FER: variants seen among roughly 807,000 people sequenced by gnomAD.
The protein encoded by FER is tyrosine-protein kinase Fer.
FER carries 63 observed loss-of-function variants against 111.0 expected under a neutral mutation model. The observed-to-expected ratio is 0.57, with a 90% CI of 0.46 to 0.70. The LOEUF (loss-of-function observed/expected upper bound fraction) is 0.70, where lower values mean the gene tolerates loss of function less well. FER is among the 30% of genes least tolerant of loss of function. The pLI, the probability that FER is intolerant of heterozygous loss-of-function variation, is 0.00. For missense variants in FER, 914 were observed against 954.0 expected (o/e 0.96, Z 0.55); for synonymous variants, 327 against 313.9 (o/e 1.04, Z -0.44).
chr5:108,999,655 T>C (rs1379114032), intron 13 of FER, among the ~76,000 whole-genome samples: 1 of 152,052 alleles, frequency 6.6e-6, no homozygotes, highest in Non-Finnish European at 1.5e-5. Context: ...TTTATACTCC[T>C]ATCAGTATGG....
Position 109,044,700 on chromosome 5 carries a change from T to G in FER, c.1734T>G (p.Tyr578Ter). 6.3e-7 allele frequency: 1 copy of G among 1,578,766 alleles called. No homozygotes were observed. Among genetic ancestry groups the G allele is most frequent in the Non-Finnish European group, 8.6e-7 (1 of 1,162,790 alleles). Reference protein sequence around the residue: ...LLGKGNFGEVYKGTLKDKTSV... With the variant: ...LLGKGNFGEV ...TTCAGGGAAATTTTGGTGAAGTATA[T>G]AAGGGCACATTAAAGGATAAAACTT... The change falls in exon 15 of 20, where the codon TAT becomes TAG. Residue 578 changes from tyrosine to a stop codon, truncating the protein, a stop_gained. Coordinates refer to ENST00000281092, the MANE Select transcript of FER (RefSeq NM_005246.4). LOFTEE classifies it high-confidence loss of function.
At chr5:108,835,605 G>T in intron 4 of FER, 103 bp from the exon 5 acceptor site, 1 of 654,600 alleles carries the variant, frequency 1.5e-6, no homozygotes, top group Admixed American at 3.4e-5. Flanking sequence ...ACTCTGACCT[G>T]TAAGTAGTGA....
intron 13 of FER, among the ~76,000 whole-genome samples, chr5:109,001,467 A>G (rs1039791112): frequency 2.6e-5 from 4 of 152,362 alleles, no homozygotes; most frequent in African/African-American, 9.6e-5. Flanking sequence ...TCAATTAGGT[A>G]TTGATGGGAC....
intron 10 of FER, among the ~76,000 whole-genome samples, chr5:108,912,019 T>C (rs1420951300): frequency 6.6e-6 from 1 of 152,124 alleles, no homozygotes; most frequent in African/African-American, 2.4e-5. Context: ...CAGGATCTGA[T>C]GGTTTTATAA....
chr5:108,781,743 A>G (rs1389057083), intron 2 of FER, among the ~76,000 whole-genome samples: 1 of 152,160 alleles, frequency 6.6e-6, no homozygotes, highest in Non-Finnish European at 1.5e-5. Flanking sequence ...CATGGCTAGT[A>G]TGGGCTGCAA....
chr5:109,062,419 G>T (rs1258086906), intron 16 of FER, among the ~76,000 whole-genome samples: 2 of 152,094 alleles, frequency 1.3e-5, no homozygotes, highest in East Asian at 3.9e-4. Context: ...TCAGTTACTT[G>T]GGAGGCTGAG....
In FER at chr5:109,194,694, G is replaced by A. The variant is rs1181140145; in HGVS notation, c.*7119G>A. ...TATAGGACAGATATCAGTGGGAAACGTCGGCGTTCTGAGCAACACAGGATA... is the reference window on the plus strand; with the variant it reads ...TATAGGACAGATATCAGTGGGAAACATCGGCGTTCTGAGCAACACAGGATA... On this transcript the variant is annotated 3_prime_UTR_variant, in exon 20 of 20. Coordinates refer to ENST00000281092, the MANE Select transcript of FER (RefSeq NM_005246.4). 1 of 152,164 alleles carries A rather than the reference G, an allele frequency of 6.6e-6. No homozygotes were observed. The highest frequency in any genetic ancestry group is 1.5e-5 in the Non-Finnish European group (1 of 68,030). 9.4% of individuals were successfully genotyped at this position (152,164 alleles called of 1,614,324 possible). A position where few individuals can be genotyped will look rare whatever the true frequency, so the allele number is the denominator to read the frequency against.
intron 17 of FER, among the ~76,000 whole-genome samples, chr5:109,118,253 A>T (rs183104645): frequency 6.6e-6 from 1 of 152,156 alleles, no homozygotes; most frequent in East Asian, 1.9e-4. Flanking sequence ...TTCTTCATCT[A>T]TTGAGATAAT....
At chr5:108,968,545 G>A (rs11948270) in intron 13 of FER, among the ~76,000 whole-genome samples, 41,251 of 151,982 alleles carry the variant, frequency 0.27, 6,026 homozygotes, top group African/African-American at 0.39. Context: ...GCCCTTGGAG[G>A]AAAATTCAGA....
chr5:109,066,554 A>G (rs1775112927), intron 16 of FER, among the ~76,000 whole-genome samples: 1 of 152,226 alleles, frequency 6.6e-6, no homozygotes. Flanking sequence ...TTATTATTTC[A>G]AAAATAGTTG....
chr5:108,852,138 G>A (rs866447002), intron 5 of FER, among the ~76,000 whole-genome samples: 31 of 152,310 alleles, frequency 2.0e-4, no homozygotes, highest in Non-Finnish European at 2.5e-4. Flanking sequence ...AGAGTAAGAG[G>A]ATTACCTACT....
chr5:109,177,939 C>G (rs551867703), intron 17 of FER, among the ~76,000 whole-genome samples: 1 of 152,272 alleles, frequency 6.6e-6, no homozygotes, highest in South Asian at 2.1e-4. Flanking sequence ...ACTGATTGTT[C>G]TCTAGCACTT....
intron 17 of FER, among the ~76,000 whole-genome samples, chr5:109,127,591 G>A (rs1175018889): frequency 6.6e-6 from 1 of 151,924 alleles, no homozygotes; most frequent in Non-Finnish European, 1.5e-5. Context: ...ATTTTTATTA[G>A]AGACGGGGTT....
intron 16 of FER, among the ~76,000 whole-genome samples, chr5:109,084,230 C>T (rs1777305213): frequency 6.6e-6 from 1 of 151,996 alleles, no homozygotes; most frequent in Non-Finnish European, 1.5e-5. Flanking sequence ...TATTTTTGAA[C>T]TTTATGTGAA....
intron 16 of FER, among the ~76,000 whole-genome samples, chr5:109,072,562 G>C (rs1220395322): frequency 6.6e-6 from 1 of 151,832 alleles, no homozygotes; most frequent in Non-Finnish European, 1.5e-5. Context: ...CAGTAGGCCA[G>C]TGATGTCGTG....
chr5:109,110,139 A>C (rs1206127606), intron 17 of FER, among the ~76,000 whole-genome samples: 1 of 152,148 alleles, frequency 6.6e-6, no homozygotes, highest in Non-Finnish European at 1.5e-5. Flanking sequence ...GTTTTGGCCA[A>C]GCATTCTTCA....
At chr5:108,977,491 T>TC (rs1306135156) in intron 13 of FER, among the ~76,000 whole-genome samples, 6 of 152,296 alleles carry the variant, frequency 3.9e-5, no homozygotes, top group Admixed American at 6.5e-5. Context: ...TATAAGTGAA[T>TC]CCACACAGTT....
At chr5:108,932,561 G>A (rs1754839250) in intron 10 of FER, among the ~76,000 whole-genome samples, 1 of 152,060 alleles carries the variant, frequency 6.6e-6, no homozygotes, top group Admixed American at 6.6e-5. Context: ...TGGGTCAAAT[G>A]GTATTTCTAG....
chr5:108,888,322 G>A (rs969263769), intron 9 of FER, among the ~76,000 whole-genome samples: 84 of 151,968 alleles, frequency 5.5e-4, no homozygotes, highest in African/African-American at 1.9e-3. Context: ...GGTAAGACAC[G>A]TATGGTCACG....
Sources: allele counts gnomAD v4.1 joint callset (sites outside exome capture counted in the v4.1 genomes callset), GRCh38; gene constraint gnomAD v4.1.1; transcripts MANE v1.5; gene names NCBI Gene and HGNC (gene_info 2026-07-23, HGNC 2026-07-21).